The following KCNIP1 variants were observed in gnomAD, a reference collection of about 807,000 sequenced individuals.
KCNIP1 encodes potassium voltage-gated channel interacting protein 1.
Under a neutral mutation model 33.0 loss-of-function variants are expected in KCNIP1, and 18 were observed. That is an observed-to-expected ratio of 0.55 (90% CI 0.38 to 0.81). The LOEUF (loss-of-function observed/expected upper bound fraction) is 0.81. Among genes scored for constraint, KCNIP1 ranks in the 30% least tolerant of loss-of-function variants. The pLI, the probability that KCNIP1 is intolerant of heterozygous loss-of-function variation, is 0.00. For missense variants in KCNIP1, 238 were observed against 271.6 expected (o/e 0.88, Z 0.87); for synonymous variants, 93 against 98.3 (o/e 0.95, Z 0.32).
At chr5:170,679,421 T>C (rs931641772) in intron 1 of KCNIP1, among the ~76,000 whole-genome samples, 2 of 152,164 alleles carry the variant, frequency 1.3e-5, no homozygotes, top group Non-Finnish European at 2.9e-5. Flanking sequence ...ATATGTAGAC[T>C]ATGTCTCCCT....
chr5:170,732,669 C>T (rs535832066), intron 5 of KCNIP1, 131 bp from the exon 6 acceptor site: 2 of 614,742 alleles, frequency 3.3e-6, no homozygotes, highest in Admixed American at 2.5e-5. Flanking sequence ...CTCCCTATCA[C>T]CTGCTAAAGA....
chr5:170,531,996 G>A lies in KCNIP1; in HGVS notation c.61+27363G>A, dbSNP rs902911881. On this transcript the variant is annotated intron_variant, in intron 1 of 7. Transcript: ENST00000328939. Reference sequence around the variant, plus strand: ...TCTTCTCTCACTGCCACACCTTTGCGTAGGCAGCTCTCCAGCCTGGAATAC... The same window carrying A: ...TCTTCTCTCACTGCCACACCTTTGCATAGGCAGCTCTCCAGCCTGGAATAC... 3.3e-5 allele frequency among the ~76,000 whole-genome samples: 5 copies of A among 152,152 alleles called. No individual in the cohort carries two copies. The South Asian group carries it at 8.3e-4, about 25-fold the overall frequency.
At chr5:170,494,545 C>A (rs138752904) in intron 1 of KCNIP1, among the ~76,000 whole-genome samples, 1 of 152,152 alleles carries the variant, frequency 6.6e-6, no homozygotes, top group Non-Finnish European at 1.5e-5. Flanking sequence ...AATTGCTACA[C>A]GAATGCCACG....
intron 1 of KCNIP1, among the ~76,000 whole-genome samples, chr5:170,441,695 G>A (rs924104869): frequency 3.3e-5 from 5 of 152,076 alleles, no homozygotes; most frequent in Non-Finnish European, 5.9e-5. Flanking sequence ...GCCGGGCGCC[G>A]TGGCTCACGC....
chr5:170,706,867 C>T (rs1161070651), intron 1 of KCNIP1, among the ~76,000 whole-genome samples: 1 of 152,186 alleles, frequency 6.6e-6, no homozygotes, highest in African/African-American at 2.4e-5. Context: ...TGTTAATCCT[C>T]TTATATCCCG....
At chr5:170,661,246 G>A (rs990553952) in intron 1 of KCNIP1, among the ~76,000 whole-genome samples, 2 of 152,178 alleles carry the variant, frequency 1.3e-5, no homozygotes, top group Admixed American at 6.5e-5. Flanking sequence ...ACATGGGGGG[G>A]CCCACACAGG....
At chr5:170,655,681 A>G (rs1761230553) in intron 1 of KCNIP1, among the ~76,000 whole-genome samples, 1 of 152,146 alleles carries the variant, frequency 6.6e-6, no homozygotes, top group Non-Finnish European at 1.5e-5. Flanking sequence ...AATGACTTTC[A>G]GTGCTGGGAC....
chr5:170,660,231 C>T (rs1761422312), intron 1 of KCNIP1, among the ~76,000 whole-genome samples: 1 of 152,084 alleles, frequency 6.6e-6, no homozygotes, highest in South Asian at 2.1e-4. Context: ...GCTGTAAAAC[C>T]ATGTTTCCTA....
chr5:170,656,736 T>C (rs1761280320), intron 1 of KCNIP1, among the ~76,000 whole-genome samples: 1 of 152,132 alleles, frequency 6.6e-6, no homozygotes, highest in Non-Finnish European at 1.5e-5. Flanking sequence ...TTCCTCCACC[T>C]CCTACCTCGA....
At chr5:170,586,331 A>G (rs1243684506) in intron 1 of KCNIP1, among the ~76,000 whole-genome samples, 1 of 152,148 alleles carries the variant, frequency 6.6e-6, no homozygotes, top group Non-Finnish European at 1.5e-5. Flanking sequence ...GTGCAGGATT[A>G]AGGTGTTGTG....
At chr5:170,451,764 T>TGC (rs1224883592) in intron 1 of KCNIP1, among the ~76,000 whole-genome samples, 1 of 148,946 alleles carries the variant, frequency 6.7e-6, no homozygotes, top group Non-Finnish European at 1.5e-5. Flanking sequence ...TGTGTGTGTG[T>TGC]GTGTGTTTGC....
rs150352974 is a variant in KCNIP1, at chr5:170,631,999, G to C, written c.62-86759G>C. On this transcript the variant is annotated intron_variant, in intron 1 of 7. Transcript: ENST00000328939. ...CCCGGCTGTCTTTGGTGTCCAGGAC[G>C]ATTTGCCACAGACAGGGGGAGCTAA... is the stretch of plus-strand genomic sequence containing the variant. 5.4e-3 allele frequency among the ~76,000 whole-genome samples: 824 copies of C among 152,326 alleles called. 12 individuals carry two copies. The highest frequency in any genetic ancestry group is 0.019 in the African/African-American group (784 of 41,574).
chr5:170,556,355 G>T (rs1037886481), intron 1 of KCNIP1, among the ~76,000 whole-genome samples: 24 of 152,232 alleles, frequency 1.6e-4, no homozygotes, highest in African/African-American at 5.8e-4. Flanking sequence ...TGATTTGAGG[G>T]TGATAGCAAG....
intron 1 of KCNIP1, among the ~76,000 whole-genome samples, chr5:170,437,560 G>C (rs1173112763): frequency 2.0e-5 from 3 of 152,202 alleles, no homozygotes; most frequent in African/African-American, 7.2e-5. Context: ...ATTTGAACCA[G>C]GGCTGTTGGG....
chr5:170,439,960 C>T (rs564825723), intron 1 of KCNIP1, among the ~76,000 whole-genome samples: 9 of 152,336 alleles, frequency 5.9e-5, no homozygotes, highest in Admixed American at 1.3e-4. Flanking sequence ...GTTCTGTCTT[C>T]CCCAAACTCA....
intron 7 of KCNIP1, among the ~76,000 whole-genome samples, chr5:170,735,182 G>T (rs574618009): frequency 6.6e-6 from 1 of 152,120 alleles, no homozygotes; most frequent in East Asian, 1.9e-4. Flanking sequence ...GCGCTTTGGG[G>T]GGTTTTCTTA....
intron 1 of KCNIP1, among the ~76,000 whole-genome samples, chr5:170,526,884 G>A (rs969761959): frequency 2.6e-5 from 4 of 151,948 alleles, no homozygotes; most frequent in Admixed American, 6.6e-5. Flanking sequence ...CACCACACCC[G>A]GCTAATTTTT....
chr5:170,678,366 A>G (rs1404390203), intron 1 of KCNIP1: 2 of 152,216 alleles, frequency 1.3e-5, no homozygotes, highest in Admixed American at 1.3e-4. Flanking sequence ...TTTCTAGGAA[A>G]TAGTAGGTAA....
intron 1 of KCNIP1, among the ~76,000 whole-genome samples, chr5:170,435,128 C>T (rs1755831316): frequency 6.6e-6 from 1 of 152,210 alleles, no homozygotes. Context: ...CCCACCCAAC[C>T]CAGGGAGCCG....
Sources: gnomAD v4.1 joint callset for allele counts (sites outside exome capture counted in the v4.1 genomes callset) on GRCh38, gnomAD v4.1.1 for gene constraint, MANE v1.5 for transcripts, NCBI Gene and HGNC (gene_info 2026-07-23, HGNC 2026-07-21) for gene names.